PPP1R12A: variants seen among roughly 807,000 people sequenced by gnomAD.
PPP1R12A encodes the protein protein phosphatase 1 regulatory subunit 12A.
Under a neutral mutation model 139.6 loss-of-function variants are expected in PPP1R12A, and 19 were observed. The ratio of observed to expected loss-of-function variants is 0.14; its 90% CI spans 0.09 to 0.20. PPP1R12A has a LOEUF of 0.20. Among genes scored for constraint, PPP1R12A ranks in the 10% least tolerant of loss-of-function variants. The pLI is 1.00. For synonymous variants in PPP1R12A, 427 were observed against 420.6 expected (o/e 1.02, Z -0.19); for missense variants, 925 against 1,211.5 (o/e 0.76, Z 3.51).
chr12:79,775,770 TAAAC>T lies in PPP1R12A; in HGVS notation c.*155_*158del. 2.2e-6 allele frequency: 1 copy of T among 445,636 alleles called. No homozygotes were observed. The highest frequency in any genetic ancestry group is 3.5e-5 in the East Asian group (1 of 28,536). 27.6% of individuals were successfully genotyped at this position (445,636 alleles called of 1,614,324 possible). ...CAACAACAAAAACACCCCAGAAAAT[TAAAC>T]AAAATGAAACAAAAATTCTAGATAA... On this transcript the variant is annotated 3_prime_UTR_variant, in exon 25 of 25. Transcript: ENST00000450142.
At chr12:79,811,115 A>G (rs1874471638) in intron 9 of PPP1R12A, among the ~76,000 whole-genome samples, 1 of 152,208 alleles carries the variant, frequency 6.6e-6, no homozygotes, top group Non-Finnish European at 1.5e-5. Flanking sequence ...TACAGCAACT[A>G]ACTAGTTGCC....
rs1869570231 is a variant in PPP1R12A at position 79,774,869 on chromosome 12, A to C, written c.*1060T>G. 6.6e-6 allele frequency: 1 copy of C among 152,416 alleles called. No homozygotes were observed. Among genetic ancestry groups the C allele is most frequent in the African/African-American group, 2.4e-5 (1 of 41,460 alleles). The allele number at this position is 152,416 out of a possible 1,614,324, so 9.4% of individuals were successfully genotyped here. A position where few individuals can be genotyped will look rare whatever the true frequency, so the allele number is the denominator to read the frequency against. On this transcript the variant is annotated 3_prime_UTR_variant, in exon 25 of 25. Coordinates refer to ENST00000450142, the MANE Select transcript of PPP1R12A (RefSeq NM_002480.3). Reference sequence around the variant, plus strand: ...TCTTATGCAACTTTAATTATGGTTGAGTACTATCAAGTGAAAACTGAAAAT... The same window carrying C: ...TCTTATGCAACTTTAATTATGGTTGCGTACTATCAAGTGAAAACTGAAAAT...
chr12:79,778,647 CT>C (rs1359357372), intron 23 of PPP1R12A, 47 bp from the exon 24 acceptor site: 14 of 1,253,130 alleles, frequency 1.1e-5, no homozygotes, highest in Admixed American at 2.4e-5. Context: ...TTATTATATT[CT>C]TAAGTCTTCT....
chr12:79,785,800 C>T (rs1480026464), intron 22 of PPP1R12A, among the ~76,000 whole-genome samples: 1 of 151,978 alleles, frequency 6.6e-6, no homozygotes, highest in Admixed American at 6.6e-5. Flanking sequence ...ATTCCTGTCT[C>T]CCAGAACTAA....
chr12:79,917,168 G>T (rs1887060067), intron 1 of PPP1R12A, among the ~76,000 whole-genome samples: 2 of 152,170 alleles, frequency 1.3e-5, no homozygotes, highest in African/African-American at 2.4e-5. Context: ...GGTTGAAAAG[G>T]GAAAAAGATG....
In PPP1R12A at chr12:79,821,043, C is replaced by T. The variant is rs759485462; in HGVS notation, c.956+35G>A. ...TGTGGCCACTATGCCAACTCATTAA[C>T]AAAAATAACAAATGTACTTGAATAT... On this transcript the variant is annotated intron_variant, in intron 7 of 24. Transcript: ENST00000450142. 23 of 1,594,348 alleles carry T rather than the reference C, an allele frequency of 1.4e-5. No homozygotes were observed. In the South Asian group the frequency reaches 1.7e-4, roughly 12 times the overall value.
intron 3 of PPP1R12A, among the ~76,000 whole-genome samples, chr12:79,841,926 T>A (rs927505769): frequency 2.6e-5 from 4 of 152,258 alleles, no homozygotes; most frequent in African/African-American, 9.6e-5. Flanking sequence ...TTGTTTTTTT[T>A]AGGCTCTAGT....
intron 1 of PPP1R12A, among the ~76,000 whole-genome samples, chr12:79,929,088 GA>G (rs1888060215): frequency 6.6e-6 from 1 of 152,198 alleles, no homozygotes; most frequent in Admixed American, 6.5e-5. Context: ...GGGGCCGGAT[GA>G]AACTGTTCTA....
intron 1 of PPP1R12A, among the ~76,000 whole-genome samples, chr12:79,902,358 A>C (rs1885724183): frequency 6.6e-6 from 1 of 152,142 alleles, no homozygotes; most frequent in South Asian, 2.1e-4. Context: ...ATTATTTTAT[A>C]CATACAGTAT....
At chr12:79,795,889 T>C in intron 17 of PPP1R12A, 130 bp from the exon 18 acceptor site, 1 of 741,802 alleles carries the variant, frequency 1.3e-6, no homozygotes, top group Non-Finnish European at 2.0e-6. Flanking sequence ...CAGCTGCTAC[T>C]ACTTAGCTCC....
chr12:79,880,601 A>G (rs913211010), intron 1 of PPP1R12A, among the ~76,000 whole-genome samples: 1 of 152,192 alleles, frequency 6.6e-6, no homozygotes, highest in African/African-American at 2.4e-5. Context: ...AGAAAAAAAC[A>G]CTTTAGAATT....
At chr12:79,899,247 T>A (rs1156302465) in intron 1 of PPP1R12A, among the ~76,000 whole-genome samples, 2 of 1,090 alleles carry the variant, frequency 1.8e-3, no homozygotes, top group African/African-American at 0.016. Context: ...TATATATATA[T>A]ATATATATAT....
At chr12:79,869,182 G>C (rs959361994) in intron 2 of PPP1R12A, among the ~76,000 whole-genome samples, 3 of 152,170 alleles carry the variant, frequency 2.0e-5, no homozygotes, top group Non-Finnish European at 2.9e-5. Context: ...AGATAATTGA[G>C]CCAGTGTATG....
rs117426097 is a variant in PPP1R12A, at chr12:79,873,785, A to T, written c.238-847T>A. On this transcript the variant is annotated intron_variant, in intron 1 of 24. Transcript: ENST00000450142. ...TTTATATTCTCTGGAACAAGATGGG[A>T]AGTGTATGTTAAAGCACCTCTTCCA... is the stretch of plus-strand genomic sequence containing the variant. Among the ~76,000 whole-genome samples the T allele has an allele frequency of 2.8e-4, 42 of 152,250 alleles. No homozygotes were observed. The East Asian group carries it at 6.4e-3, about 23-fold the overall frequency.
chr12:79,882,757 A>C (rs1299897589), intron 1 of PPP1R12A, among the ~76,000 whole-genome samples: 5 of 152,130 alleles, frequency 3.3e-5, no homozygotes, highest in Non-Finnish European at 1.5e-5. Flanking sequence ...TTGATGAGGG[A>C]AACTTGTCTT....
rs117245214 is a variant in PPP1R12A, at chr12:79,859,795, C to T, written c.368+13013G>A. On this transcript the variant is annotated intron_variant, in intron 2 of 24. Transcript: ENST00000450142. ...AGCTAGAAGCAGTGGTGCAAGTCTA[C>T]AGTCCTAGCTACCGCTGCTGAGGCA... Among the ~76,000 whole-genome samples, 107 of 152,242 alleles carry T rather than the reference C, an allele frequency of 7.0e-4. 1 individual carries two copies. The East Asian group carries it at 0.019, about 27-fold the overall frequency.
At chr12:79,889,541 A>G (rs1479265918) in intron 1 of PPP1R12A, among the ~76,000 whole-genome samples, 2 of 151,948 alleles carry the variant, frequency 1.3e-5, no homozygotes, top group Admixed American at 6.5e-5. Context: ...CTGGTTTACA[A>G]CATTTGTACT....
intron 1 of PPP1R12A, among the ~76,000 whole-genome samples, chr12:79,884,128 T>C (rs760629992): frequency 1.3e-5 from 2 of 152,206 alleles, no homozygotes; most frequent in Admixed American, 6.5e-5. Flanking sequence ...GGGTCTTATC[T>C]GCCATCTTTT....
chr12:79,918,976 C>T (rs1446476770), intron 1 of PPP1R12A, among the ~76,000 whole-genome samples: 1 of 151,860 alleles, frequency 6.6e-6, no homozygotes, highest in African/African-American at 2.4e-5. Context: ...ATTAGCTAGG[C>T]GTGGTGGCAT....
Sources: allele counts gnomAD v4.1 joint callset (sites outside exome capture counted in the v4.1 genomes callset), GRCh38; gene constraint gnomAD v4.1.1; transcripts MANE v1.5; gene names NCBI Gene and HGNC (gene_info 2026-07-23, HGNC 2026-07-21).